The following RNF14 variants were observed in gnomAD, a reference collection of about 807,000 sequenced individuals.
RNF14 encodes the protein E3 ubiquitin-protein ligase RNF14.
In RNF14, 26 loss-of-function variants were observed where a neutral mutation model predicts 52.6. The ratio of observed to expected loss-of-function variants is 0.49; its 90% CI spans 0.36 to 0.69. RNF14 has a LOEUF of 0.69. RNF14 is among the 30% of genes least tolerant of loss of function. The probability of loss-of-function intolerance (pLI) is 0.00; values close to 1 mark genes in which losing one functional copy is unlikely to be tolerated. For synonymous variants in RNF14, 194 were observed against 202.0 expected, an observed-to-expected ratio of 0.96 and a Z score of 0.34; for missense variants, 404 against 560.4, an observed-to-expected ratio of 0.72 and a Z score of 2.82.
intron 2 of RNF14, among the ~76,000 whole-genome samples, chr5:141,972,843 G>A (rs568037271): frequency 1.2e-4 from 19 of 152,202 alleles, no homozygotes; most frequent in South Asian, 1.2e-3. Flanking sequence ...TGCCCGCCTC[G>A]GCCTACCAAA....
chr5:141,974,766 G>T, intron 3 of RNF14, 38 bp from the exon 4 acceptor site: 1 of 1,609,026 alleles, frequency 6.2e-7, no homozygotes, highest in South Asian at 1.1e-5. Flanking sequence ...CTCAAGTGTT[G>T]ACCAACTGAT....
At chr5:141,951,584 A>G in the RNF14 span, 1 of 1,613,702 alleles carries the variant, frequency 6.2e-7, no homozygotes, top group African/African-American at 1.3e-5. Context: ...AGCAGCTGGG[A>G]GATTTGCTAC....
intron 7 of RNF14, among the ~76,000 whole-genome samples, chr5:141,984,441 G>A (rs1188301695): frequency 6.6e-6 from 1 of 152,054 alleles, no homozygotes; most frequent in African/African-American, 2.4e-5. Flanking sequence ...ACAGAGTGGA[G>A]GACTTGGTAC....
upstream of RNF14, chr5:141,966,766 C>G (rs1270490054): frequency 1.3e-5 from 2 of 152,346 alleles, no homozygotes; most frequent in Admixed American, 1.3e-4. Context: ...TTCTCTCTAT[C>G]CTGTGACCTC....
the RNF14 span, among the ~76,000 whole-genome samples, chr5:141,949,740 C>T: frequency 6.6e-6 from 1 of 152,168 alleles, no homozygotes; most frequent in Non-Finnish European, 1.5e-5. Context: ...GATTCCCGCC[C>T]TCCTCTTACT....
chr5:141,955,533 T>C, upstream of RNF14: 1 of 1,614,194 alleles, frequency 6.2e-7, no homozygotes, highest in Non-Finnish European at 8.5e-7. This position sits in a 1 kb window ranked among gnomAD's most constrained non-coding sequence, Gnocchi z 5.5. Context: ...GGTGGATGTC[T>C]GCCTTCTGAA....
At chr5:141,971,087 A>T (rs1448791768) in intron 2 of RNF14, among the ~76,000 whole-genome samples, 1 of 152,194 alleles carries the variant, frequency 6.6e-6, no homozygotes, top group South Asian at 2.1e-4. Context: ...GTGAGGGAGG[A>T]TATTTGCAAA....
chr5:141,971,566 TCTTTCTTTCTTTCTTTCTTTC>T lies in RNF14; in HGVS notation c.-7+690_-7+710del, dbSNP rs1298336910. Among the ~76,000 whole-genome samples, 38 of 140,046 alleles carry T rather than the reference TCTTTCTTTCTTTCTTTCTTTC, an allele frequency of 2.7e-4. 2 individuals carry two copies. The highest frequency in any genetic ancestry group is 9.9e-4 in the African/African-American group (37 of 37,446). The allele number at this position is 140,046 out of a possible 152,430, so 91.9% of individuals were successfully genotyped here. ...ACTTTAATTGTAGCTAATTTCTTTT[TCTTTCTTTCTTTCTTTCTTTC>T]TTTCTTTCTTTCTTTCTTTCTTTCC... On this transcript the variant is annotated intron_variant, in intron 2 of 8. Transcript: ENST00000394520.
upstream of RNF14, among the ~76,000 whole-genome samples, chr5:141,963,922 C>T (rs1335909680): frequency 6.6e-6 from 1 of 152,180 alleles, no homozygotes. Context: ...CAGCCACACA[C>T]TGATTTATGA....
chr5:141,957,605 C>T, upstream of RNF14: 1 of 1,614,204 alleles, frequency 6.2e-7, no homozygotes, highest in Non-Finnish European at 8.5e-7. This position sits in a 1 kb window ranked among gnomAD's most constrained non-coding sequence, Gnocchi z 4.3. Context: ...AGCAAGCCTT[C>T]CTCAGAGTCC....
chr5:141,957,387 G>T, upstream of RNF14: 1 of 1,613,810 alleles, frequency 6.2e-7, no homozygotes, highest in Non-Finnish European at 8.5e-7. This position sits in a 1 kb window ranked among gnomAD's most constrained non-coding sequence, Gnocchi z 4.3. Context: ...CTCTGTCCAG[G>T]GGGATCCGGG....
At chr5:141,964,938 ATTT>A (rs76293615), upstream of RNF14, among the ~76,000 whole-genome samples, 6 of 151,678 alleles carry the variant, frequency 4.0e-5, no homozygotes, top group African/African-American at 1.5e-4. Flanking sequence ...GAAACCTCTA[ATTT>A]TTTTTAAAAA....
chr5:141,966,747 C>A (rs932708174), upstream of RNF14: 3 of 152,278 alleles, frequency 2.0e-5, no homozygotes, highest in East Asian at 5.6e-4. Context: ...CTTTGAAATT[C>A]TCTTTCTATT....
Position 141,984,811 on chromosome 5 carries a change from C to T in RNF14, c.1245C>T (p.Asp415=), listed in dbSNP as rs370451068. ...PCCGTPIEKL[D]GCNKMTCTGC... is the part of the protein sequence containing the mutation. ...TCTATCCTTCCCACCAGAAATTAGACGGATGTAACAAGATGACATGTACTG... is the reference window on the plus strand; with the variant it reads ...TCTATCCTTCCCACCAGAAATTAGATGGATGTAACAAGATGACATGTACTG... Residue 415 remains aspartate, a synonymous_variant, in exon 8 of 9, where the codon GAC becomes GAT. Coordinates refer to ENST00000394520, the MANE Select transcript of RNF14 (RefSeq NM_004290.5). 26 of 1,613,526 alleles carry T rather than the reference C, an allele frequency of 1.6e-5. No homozygotes were observed. The highest frequency in any genetic ancestry group is 8.0e-5 in the African/African-American group (6 of 74,896).
upstream of RNF14, chr5:141,955,086 A>G (rs760223768): frequency 8.1e-6 from 13 of 1,614,090 alleles, 1 homozygote; most frequent in African/African-American, 1.1e-4. The surrounding 1 kb of genome is among the most constrained non-coding windows in gnomAD (Gnocchi z 5.5). Flanking sequence ...ATTCTTTCTC[A>G]GGGGACACTT....
chr5:141,953,490 A>G (rs1030324896), upstream of RNF14: 7 of 151,966 alleles, frequency 4.6e-5, no homozygotes, highest in African/African-American at 1.7e-4. Flanking sequence ...CACAGAAATT[A>G]GTGGGAGGGC....
rs779502102 is a variant in RNF14 at position 141,983,397 on chromosome 5, C to G, written c.1081C>G (p.Arg361Gly). 22 of 1,611,854 alleles carry G rather than the reference C, an allele frequency of 1.4e-5. No individual in the cohort carries two copies. Among genetic ancestry groups the G allele is most frequent in the Non-Finnish European group, 1.9e-5 (22 of 1,179,334 alleles). The part of the protein sequence containing the change: ...KVTAEKLMDL[R>G]NEYLQADEAN... The stretch of plus-strand genomic sequence containing the variant: ...CTTTGTAGAGAAATTAATGGACTTA[C>G]GAAATGAATACCTGCAAGCGGATGA... Residue 361 changes from arginine (R) to glycine (G), a missense_variant, in exon 7 of 9, where the codon CGA becomes GGA. Transcript: ENST00000394520.
chr5:141,957,311 C>A (rs1197174480), upstream of RNF14: 6 of 1,612,886 alleles, frequency 3.7e-6, no homozygotes, highest in Middle Eastern at 1.6e-4. This position sits in a 1 kb window ranked among gnomAD's most constrained non-coding sequence, Gnocchi z 4.3. Flanking sequence ...ACATCCAAGG[C>A]AAAGTGCTCA....
At chr5:141,955,640 A>T, upstream of RNF14, 1 of 1,614,108 alleles carries the variant, frequency 6.2e-7, no homozygotes, top group Non-Finnish European at 8.5e-7. This position sits in a 1 kb window ranked among gnomAD's most constrained non-coding sequence, Gnocchi z 5.5. Context: ...CGGCAGATGG[A>T]CATGAACAAA....
Sources: gnomAD v4.1 joint callset for allele counts (sites outside exome capture counted in the v4.1 genomes callset) on GRCh38, gnomAD v4.1.1 for gene constraint, Gnocchi (gnomAD v3.1) non-coding constraint, MANE v1.5 for transcripts, NCBI Gene and HGNC (gene_info 2026-07-23, HGNC 2026-07-21) for gene names.